Variants in KIAA0825 observed in about 807,000 individuals in gnomAD.
KIAA0825 encodes uncharacterized protein KIAA0825.
KIAA0825 carries 119 observed loss-of-function variants against 147.6 expected under a neutral mutation model. The observed-to-expected ratio is 0.81, with a 90% CI of 0.69 to 0.94. The LOEUF (loss-of-function observed/expected upper bound fraction) is 0.94. Ranked by LOEUF, KIAA0825 falls within the 40% of genes least tolerant of loss-of-function variation. The pLI, the probability that KIAA0825 is intolerant of heterozygous loss-of-function variation, is 0.00. For synonymous variants in KIAA0825, 470 were observed against 518.1 expected (o/e 0.91, Z 1.26); for missense variants, 1,381 against 1,472.7 (o/e 0.94, Z 1.02).
At chr5:94,557,559 A>G (rs1031060402) in intron 2 of KIAA0825, among the ~76,000 whole-genome samples, 1 of 152,192 alleles carries the variant, frequency 6.6e-6, no homozygotes, top group African/African-American at 2.4e-5. Flanking sequence ...TTGACTAAGA[A>G]TCCCTAAGCC....
intron 20 of KIAA0825, among the ~76,000 whole-genome samples, chr5:94,384,078 T>C (rs1194604396): frequency 5.9e-5 from 9 of 152,166 alleles, no homozygotes; most frequent in African/African-American, 2.2e-4. Flanking sequence ...CAAAAATATT[T>C]AAAATTCAGT....
In KIAA0825 at chr5:94,477,225, AC is replaced by A. The variant is rs2151015465; in HGVS notation, c.1133-21del. 1 of 1,393,040 alleles carries A rather than the reference AC, an allele frequency of 7.2e-7. No homozygotes were observed. The highest frequency in any genetic ancestry group is 2.5e-5 in the East Asian group (1 of 40,002). 86.3% of individuals were successfully genotyped at this position (1,393,040 alleles called of 1,614,324 possible). ...AAATTCCTAAGCAATAGAAAAGAAAACAAACACACTAATATATATTGTTTAA... is the reference window on the plus strand; with the variant it reads ...AAATTCCTAAGCAATAGAAAAGAAAAAAACACACTAATATATATTGTTTAA... On this transcript the variant is annotated intron_variant, in intron 6 of 20. Transcript: ENST00000682413.
rs535026099 is a variant in KIAA0825, at chr5:94,212,145, C to T, written c.3711-58021G>A. On this transcript the variant is annotated intron_variant, in intron 20 of 20. Coordinates refer to ENST00000682413, the MANE Select transcript of KIAA0825 (RefSeq NM_001145678.3). ...ACTTATTAGATAGTAAGGATTTATA[C>T]GATAAACATTTGTCCCCCATGGATT... Among the ~76,000 whole-genome samples, 29 of 152,200 alleles carry T rather than the reference C, an allele frequency of 1.9e-4. 1 individual carries two copies. In the East Asian group the frequency reaches 3.7e-3, roughly 19 times the overall value.
chr5:94,599,251 T>C (rs1390385774), intron 1 of KIAA0825, among the ~76,000 whole-genome samples: 1 of 152,004 alleles, frequency 6.6e-6, no homozygotes, highest in Non-Finnish European at 1.5e-5. Flanking sequence ...TGTTTTCATA[T>C]ACTTATTGGG....
At chr5:94,164,546 G>A (rs9314102) in intron 20 of KIAA0825, among the ~76,000 whole-genome samples, 13,365 of 151,886 alleles carry the variant, frequency 0.088, 752 homozygotes, top group Middle Eastern at 0.16. Flanking sequence ...TGAGTAGCTG[G>A]GACTACAGAC....
chr5:94,562,322 G>A (rs917909053), intron 2 of KIAA0825, among the ~76,000 whole-genome samples: 1 of 151,972 alleles, frequency 6.6e-6, no homozygotes, highest in African/African-American at 2.4e-5. Flanking sequence ...AGTAAATTTT[G>A]GATTTCTTCA....
At chr5:94,384,495 T>G in intron 19 of KIAA0825, 37 bp from the exon 20 acceptor site, 1 of 1,481,086 alleles carries the variant, frequency 6.8e-7, no homozygotes, top group Non-Finnish European at 9.2e-7. Context: ...TATTGTTAGT[T>G]ATTAATCAGA....
chr5:94,542,803 T>G (rs1303265718), intron 2 of KIAA0825, among the ~76,000 whole-genome samples: 1 of 151,324 alleles, frequency 6.6e-6, no homozygotes, highest in Non-Finnish European at 1.5e-5. Flanking sequence ...CGAGATTCCC[T>G]CTCAAAAAAA....
intron 20 of KIAA0825, among the ~76,000 whole-genome samples, chr5:94,342,420 T>C (rs1782518761): frequency 6.6e-6 from 1 of 152,212 alleles, no homozygotes. Context: ...AAAGGAATAA[T>C]GTCACATATA....
intron 20 of KIAA0825, among the ~76,000 whole-genome samples, chr5:94,183,261 A>G (rs1369026106): frequency 6.6e-6 from 1 of 152,216 alleles, no homozygotes; most frequent in Admixed American, 6.5e-5. Context: ...ATGAACTAAA[A>G]TCTGTTATGA....
At chr5:94,360,558 C>T (rs1209450960) in intron 20 of KIAA0825, among the ~76,000 whole-genome samples, 2 of 152,110 alleles carry the variant, frequency 1.3e-5, no homozygotes, top group Non-Finnish European at 2.9e-5. Context: ...ACCAAGATGG[C>T]GATGAAAGTA....
chr5:94,232,349 G>T (rs1469436657), intron 20 of KIAA0825, among the ~76,000 whole-genome samples: 1 of 151,914 alleles, frequency 6.6e-6, no homozygotes, highest in Non-Finnish European at 1.5e-5. Context: ...TTCTTCCTTT[G>T]TTACTTTAAA....
chr5:94,375,246 T>G (rs1018724806), intron 20 of KIAA0825, among the ~76,000 whole-genome samples: 2 of 152,074 alleles, frequency 1.3e-5, no homozygotes, highest in Non-Finnish European at 2.9e-5. Flanking sequence ...TTAGCCAGGA[T>G]GATCTTGATC....
chr5:94,392,212 G>A (rs964917458), intron 17 of KIAA0825, among the ~76,000 whole-genome samples: 2 of 152,056 alleles, frequency 1.3e-5, no homozygotes, highest in Admixed American at 6.5e-5. Context: ...GCTTCATGGC[G>A]GTATGCTTAC....
chr5:94,602,354 G>GAA, intron 1 of KIAA0825, among the ~76,000 whole-genome samples: 1 of 137,020 alleles, frequency 7.3e-6, no homozygotes, highest in East Asian at 2.1e-4. Flanking sequence ...CTGTCTCAAA[G>GAA]AAAAAAAAAA....
At chr5:94,207,000 T>C (rs1772262574) in intron 20 of KIAA0825, among the ~76,000 whole-genome samples, 2 of 152,204 alleles carry the variant, frequency 1.3e-5, no homozygotes, top group South Asian at 4.1e-4. Context: ...GTATCATTTT[T>C]AGTTATTTAT....
In KIAA0825 at chr5:94,580,962, G is replaced by A. The variant is rs577840071; in HGVS notation, c.-2+1471C>T. 7.2e-5 allele frequency among the ~76,000 whole-genome samples: 10 copies of A among 138,988 alleles called. No homozygotes were observed. The South Asian group carries it at 2.2e-3, about 31-fold the overall frequency. The allele number at this position is 138,988 out of a possible 152,430, so 91.2% of individuals were successfully genotyped here. On this transcript the variant is annotated intron_variant, in intron 2 of 20. Coordinates refer to ENST00000682413, the MANE Select transcript of KIAA0825 (RefSeq NM_001145678.3). ...ATTTTACTTTCATTTTACTTTCTAT[G>A]ACAAGTGTTACTTTAAAATAATAAG...
intron 14 of KIAA0825, among the ~76,000 whole-genome samples, chr5:94,437,814 T>G (rs1756566212): frequency 6.6e-6 from 1 of 152,194 alleles, no homozygotes; most frequent in African/African-American, 2.4e-5. Flanking sequence ...CTCTCAGCTT[T>G]GTTAGATATT....
intron 20 of KIAA0825, among the ~76,000 whole-genome samples, chr5:94,369,679 T>G (rs1746382884): frequency 6.6e-6 from 1 of 152,110 alleles, no homozygotes; most frequent in Non-Finnish European, 1.5e-5. Context: ...GGAAAAAATA[T>G]CCTTTTATCT....
Sources: gnomAD v4.1 joint callset for allele counts (sites outside exome capture counted in the v4.1 genomes callset) on GRCh38, gnomAD v4.1.1 for gene constraint, MANE v1.5 for transcripts, NCBI Gene and HGNC (gene_info 2026-07-23, HGNC 2026-07-21) for gene names.